TGFB2: variants seen among roughly 807,000 people sequenced by gnomAD.
The protein encoded by TGFB2 is transforming growth factor beta 2.
In TGFB2, 13 loss-of-function variants were observed where a neutral mutation model predicts 42.7. That is an observed-to-expected ratio of 0.30 (90% CI 0.20 to 0.48). The LOEUF (loss-of-function observed/expected upper bound fraction) is 0.48. Ranked by LOEUF, TGFB2 falls within the 20% of genes least tolerant of loss-of-function variation. The pLI is 0.99. For missense variants in TGFB2, 390 were observed against 517.5 expected (o/e 0.75, Z 2.39); for synonymous variants, 193 against 193.6 (o/e 1.00, Z 0.03).
At chr1:218,401,948 C>T (rs1199763571) in intron 1 of TGFB2, among the ~76,000 whole-genome samples, 1 of 152,210 alleles carries the variant, frequency 6.6e-6, no homozygotes, top group East Asian at 1.9e-4. Context: ...TTTGTTGTTT[C>T]CAAATGAGGA....
At chr1:218,392,198 A>C (rs1658337121) in intron 1 of TGFB2, among the ~76,000 whole-genome samples, 1 of 152,152 alleles carries the variant, frequency 6.6e-6, no homozygotes, top group Non-Finnish European at 1.5e-5. Flanking sequence ...AAAAAATAAG[A>C]ATAAAATAGC....
At chr1:218,358,804 A>T (rs907552700) in intron 1 of TGFB2, among the ~76,000 whole-genome samples, 14 of 152,104 alleles carry the variant, frequency 9.2e-5, no homozygotes, top group Non-Finnish European at 2.1e-4. Context: ...GGCCTCCCAA[A>T]GTGCTGGGAT....
intron 2 of TGFB2, among the ~76,000 whole-genome samples, chr1:218,428,123 A>T (rs1163975258): frequency 6.6e-6 from 1 of 152,190 alleles, no homozygotes; most frequent in Non-Finnish European, 1.5e-5. Context: ...TTGGCTGCAT[A>T]AATGTCTTCT....
chr1:218,437,008 T>C (rs763919675), intron 5 of TGFB2, among the ~76,000 whole-genome samples: 14 of 152,172 alleles, frequency 9.2e-5, no homozygotes, highest in African/African-American at 1.7e-4. Flanking sequence ...CCAGTGTTGA[T>C]TGGAAAGGGC....
intron 1 of TGFB2, among the ~76,000 whole-genome samples, chr1:218,397,601 C>A (rs1034957622): frequency 6.7e-6 from 1 of 149,566 alleles, no homozygotes; most frequent in Non-Finnish European, 1.5e-5. Context: ...GCTCCTTTGT[C>A]TTTCTGTATT....
intron 2 of TGFB2, among the ~76,000 whole-genome samples, chr1:218,429,091 C>T (rs886910965): frequency 2.3e-4 from 34 of 150,942 alleles, no homozygotes; most frequent in African/African-American, 8.3e-4. Context: ...AGCAATTTTC[C>T]TGCCTCAGTC....
chr1:218,398,848 G>C (rs1159740405), intron 1 of TGFB2, among the ~76,000 whole-genome samples: 1 of 152,256 alleles, frequency 6.6e-6, no homozygotes, highest in Admixed American at 6.5e-5. Context: ...GCCTCCCACA[G>C]TGGTGGGATT....
chr1:218,409,683 G>T (rs1183183324), intron 2 of TGFB2, among the ~76,000 whole-genome samples: 1 of 152,078 alleles, frequency 6.6e-6, no homozygotes, highest in Non-Finnish European at 1.5e-5. Flanking sequence ...AAACAGATTT[G>T]ATGCTTAAAT....
intron 1 of TGFB2, among the ~76,000 whole-genome samples, chr1:218,402,532 C>G (rs1220941371): frequency 6.6e-6 from 1 of 151,206 alleles, no homozygotes; most frequent in Non-Finnish European, 1.5e-5. Flanking sequence ...GGCAGAGGAC[C>G]AGAAAAGGGG....
chr1:218,408,585 C>A (rs1658991564), intron 2 of TGFB2, among the ~76,000 whole-genome samples: 1 of 152,132 alleles, frequency 6.6e-6, no homozygotes, highest in Admixed American at 6.5e-5. Context: ...GTCCAGAGAG[C>A]AAGTCAAAGA....
chr1:218,427,204 C>T (rs1388244293), intron 2 of TGFB2, among the ~76,000 whole-genome samples: 1 of 152,052 alleles, frequency 6.6e-6, no homozygotes, highest in African/African-American at 2.4e-5. Flanking sequence ...ATAGCCATCA[C>T]CACTATCCAT....
At chr1:218,355,317 G>A (rs561918110) in intron 1 of TGFB2, among the ~76,000 whole-genome samples, 20 of 152,324 alleles carry the variant, frequency 1.3e-4, no homozygotes, top group African/African-American at 4.3e-4. Context: ...GATATACAAT[G>A]AGCATGATGA....
chr1:218,404,413 G>A lies in TGFB2; in HGVS notation c.347-756G>A, dbSNP rs551158994. ...ATTACAGGCGTGACCCACTGTGCCC[G>A]TCCTTCCCAGAAGCTTTAAAATGTC... On this transcript the variant is annotated intron_variant, in intron 1 of 6. Coordinates refer to ENST00000366930, the MANE Select transcript of TGFB2 (RefSeq NM_003238.6). Among the ~76,000 whole-genome samples, 9 of 152,278 alleles carry A rather than the reference G, an allele frequency of 5.9e-5. No homozygotes were observed. In the South Asian group the frequency reaches 8.3e-4, roughly 14 times the overall value.
Position 218,345,683 on chromosome 1 carries a change from C to G in TGFB2, c.-1019C>G, listed in dbSNP as rs1656639904. The stretch of plus-strand genomic sequence containing the variant: ...GAGTCCAAGGGAGCCCCTGCGCAAC[C>G]CCCTCAGGAATAAAACTCCCCAGCC... On this transcript the variant is annotated 5_prime_UTR_variant, in exon 1 of 7. Transcript: ENST00000366930. 6.6e-6 allele frequency: 1 copy of G among 152,546 alleles called. No homozygotes were observed. The highest frequency in any genetic ancestry group is 2.4e-5 in the African/African-American group (1 of 41,436). The allele number at this position is 152,546 out of a possible 1,614,324, so 9.4% of individuals were successfully genotyped here. A position where few individuals can be genotyped will look rare whatever the true frequency, so the allele number is the denominator to read the frequency against.
At chr1:218,367,387 C>T (rs1488833756) in intron 1 of TGFB2, among the ~76,000 whole-genome samples, 1 of 152,126 alleles carries the variant, frequency 6.6e-6, no homozygotes, top group Non-Finnish European at 1.5e-5. Flanking sequence ...TTTGTTCAAC[C>T]AGAGGCATTA....
In TGFB2 at chr1:218,421,533, G is replaced by A. The variant is rs1382905340; in HGVS notation, c.511-12549G>A. On this transcript the variant is annotated intron_variant, in intron 2 of 6. Transcript: ENST00000366930. The stretch of plus-strand genomic sequence containing the variant: ...AAAATACTCTGTGGGGGTAATAAGA[G>A]AGAGAAAGAACATTTTTTGCTTTGA... Among the ~76,000 whole-genome samples the A allele has an allele frequency of 2.0e-5, 3 of 152,102 alleles. No individual in the cohort carries two copies. In the East Asian group the frequency reaches 5.8e-4, roughly 29 times the overall value.
intron 1 of TGFB2, among the ~76,000 whole-genome samples, chr1:218,348,205 C>T (rs1656757495): frequency 6.6e-6 from 1 of 152,030 alleles, no homozygotes; most frequent in South Asian, 2.1e-4. Context: ...TTGTGTATTC[C>T]AAATCCCAAG....
At chr1:218,356,949 C>T (rs926511899) in intron 1 of TGFB2, among the ~76,000 whole-genome samples, 2 of 152,170 alleles carry the variant, frequency 1.3e-5, no homozygotes, top group Non-Finnish European at 2.9e-5. Flanking sequence ...CAGTGGCTGG[C>T]GCCTGTAATC....
At chr1:218,415,906 C>T (rs1243020944) in intron 2 of TGFB2, among the ~76,000 whole-genome samples, 1 of 151,804 alleles carries the variant, frequency 6.6e-6, no homozygotes, top group Non-Finnish European at 1.5e-5. Context: ...AGGTTACTGT[C>T]AGGATTTTTC....
Sources: gnomAD v4.1 joint callset for allele counts (sites outside exome capture counted in the v4.1 genomes callset) on GRCh38, gnomAD v4.1.1 for gene constraint, MANE v1.5 for transcripts, NCBI Gene and HGNC (gene_info 2026-07-23, HGNC 2026-07-21) for gene names.